Variants in PACRGL observed in about 807,000 individuals in gnomAD.
PACRGL encodes parkin coregulated like, also known as PACRG-like protein.
In PACRGL, 38 loss-of-function variants were observed where a neutral mutation model predicts 34.5. That is an observed-to-expected ratio of 1.10 (90% CI 0.85 to 1.44). PACRGL has a LOEUF of 1.44. Among genes scored for constraint, PACRGL ranks in the 40% most tolerant of loss-of-function variants. PACRGL has a pLI of 0.00. For missense variants in PACRGL, 305 were observed against 281.4 expected (o/e 1.08, Z -0.60); for synonymous variants, 128 against 100.1 (o/e 1.28, Z -1.66).
At chr4:20,719,010 C>T (rs1398456802) in intron 7 of PACRGL, 2 of 152,134 alleles carry the variant, frequency 1.3e-5, no homozygotes, top group African/African-American at 2.4e-5. Flanking sequence ...ATTTCCGAGC[C>T]TGTTATTGGT....
rs1372317670 is a variant in PACRGL, at chr4:20,704,749, C to T, written c.142C>T (p.Pro48Ser). The T allele has an allele frequency of 2.5e-6, 4 of 1,614,066 alleles. No homozygotes were observed. The highest frequency in any genetic ancestry group is 2.5e-6 in the Non-Finnish European group (3 of 1,179,940). Residue 48 changes from proline to serine, a missense_variant, in exon 3 of 9, where the codon CCA becomes TCA. Physicochemically the swap from Pro to Ser is moderately conservative, Grantham distance 74 (BLOSUM62 -1). Transcript: ENST00000503585. ...CAAATCCTCATTGTCAACCAGTTCT[C>T]CAGAGTCTGCAAGAAAACTTCATCC... ...GSKSSLSTSS[P>S]ESARKLHPRP... is the part of the protein sequence containing the mutation.
At chr4:20,742,963 A>T (rs1045195712) in intron 8 of PACRGL, among the ~76,000 whole-genome samples, 2 of 152,126 alleles carry the variant, frequency 1.3e-5, no homozygotes, top group African/African-American at 4.8e-5. Flanking sequence ...TCCCATTCAC[A>T]ATTGCTTCAA....
chr4:20,724,908 T>A lies in PACRGL; in HGVS notation c.690+20T>A. On this transcript the variant is annotated intron_variant, in intron 8 of 8. Transcript: ENST00000503585. Reference sequence around the variant, plus strand: ...GGAAGTGTAAGTAGAATATTATTCCTTAAGTCTTTTTTTTTAACTTTTAGG... The same window carrying A: ...GGAAGTGTAAGTAGAATATTATTCCATAAGTCTTTTTTTTTAACTTTTAGG... The A allele has an allele frequency of 7.5e-7, 1 of 1,341,646 alleles. No homozygotes were observed. Among genetic ancestry groups the A allele is most frequent in the Non-Finnish European group, 9.6e-7 (1 of 1,041,760 alleles). 83.1% of individuals were successfully genotyped at this position (1,341,646 alleles called of 1,614,324 possible). A position where few individuals can be genotyped will look rare whatever the true frequency, so the allele number is the denominator to read the frequency against.
At chr4:20,697,661 C>T (rs79567507), upstream of PACRGL, among the ~76,000 whole-genome samples, 140 of 152,168 alleles carry the variant, frequency 9.2e-4, no homozygotes, top group Non-Finnish European at 1.7e-3. Flanking sequence ...AGTGAAATAC[C>T]GTACATTGAG....
downstream of PACRGL, among the ~76,000 whole-genome samples, chr4:20,734,119 G>A (rs76015249): frequency 6.4e-3 from 973 of 152,290 alleles, 3 homozygotes; most frequent in Non-Finnish European, 0.01. Flanking sequence ...ACTTCTCGCT[G>A]TGTTTTAAAT....
intron 6 of PACRGL, 140 bp downstream of exon 6, chr4:20,713,062 C>T: frequency 1.2e-6 from 1 of 865,956 alleles, no homozygotes; most frequent in Non-Finnish European, 1.6e-6. Context: ...GACACATTTA[C>T]AGAATTAGGC....
chr4:20,742,128 T>C (rs777877122), intron 8 of PACRGL, among the ~76,000 whole-genome samples: 2 of 152,202 alleles, frequency 1.3e-5, no homozygotes, highest in East Asian at 1.9e-4. Flanking sequence ...CACAGCTGAA[T>C]TCTACCAGAG....
At chr4:20,710,662 T>C (rs1388144443) in intron 5 of PACRGL, among the ~76,000 whole-genome samples, 1 of 152,146 alleles carries the variant, frequency 6.6e-6, no homozygotes, top group Non-Finnish European at 1.5e-5. Context: ...GAGGACCAAG[T>C]GGGAGCAGAA....
intron 4 of PACRGL, among the ~76,000 whole-genome samples, chr4:20,709,425 G>C (rs1455963017): frequency 6.6e-6 from 1 of 152,178 alleles, no homozygotes; most frequent in African/African-American, 2.4e-5. Flanking sequence ...GCATATCTGT[G>C]TTAAGATTCA....
the PACRGL span, chr4:20,758,745 A>T: frequency 9.4e-7 from 1 of 1,064,304 alleles, no homozygotes; most frequent in Non-Finnish European, 1.4e-6. Flanking sequence ...GCATCATGCT[A>T]TGAAAAATTA....
intron 7 of PACRGL, among the ~76,000 whole-genome samples, chr4:20,719,789 A>G (rs565787394): frequency 3.0e-4 from 46 of 151,974 alleles, no homozygotes; most frequent in African/African-American, 8.5e-4. Flanking sequence ...TGTGGTGCTG[A>G]GAAGAATGTA....
chr4:20,711,263 G>T (rs948800853), intron 5 of PACRGL, among the ~76,000 whole-genome samples: 4 of 152,016 alleles, frequency 2.6e-5, no homozygotes, highest in African/African-American at 9.7e-5. Context: ...TCCTTAAAGG[G>T]ACTCTAACTT....
At chr4:20,750,895 T>C (rs1258502605) in intron 8 of PACRGL, among the ~76,000 whole-genome samples, 1 of 152,222 alleles carries the variant, frequency 6.6e-6, no homozygotes, top group African/African-American at 2.4e-5. Flanking sequence ...TATTGGGTTT[T>C]AACTTATCAT....
At chr4:20,748,869 C>T (rs925362129) in intron 8 of PACRGL, among the ~76,000 whole-genome samples, 4 of 117,764 alleles carry the variant, frequency 3.4e-5, no homozygotes, top group South Asian at 2.9e-4. Flanking sequence ...ATATGAATTA[C>T]GTGTGTGTGT....
At chr4:20,761,950 G>A in the PACRGL span, among the ~76,000 whole-genome samples, 1 of 152,056 alleles carries the variant, frequency 6.6e-6, no homozygotes, top group African/African-American at 2.4e-5. Context: ...AGTCTTCTAG[G>A]AACTGGGACT....
At chr4:20,764,892 G>T in the PACRGL span, among the ~76,000 whole-genome samples, 2 of 152,202 alleles carry the variant, frequency 1.3e-5, no homozygotes, top group East Asian at 3.9e-4. Flanking sequence ...CAATCACAGC[G>T]GTTTATTGAG....
downstream of PACRGL, among the ~76,000 whole-genome samples, chr4:20,735,128 A>T (rs573971882): frequency 1.3e-5 from 2 of 152,368 alleles, no homozygotes; most frequent in South Asian, 4.1e-4. Flanking sequence ...CCGTTTGCTA[A>T]TAAGAAATGT....
chr4:20,763,027 C>T, the PACRGL span, among the ~76,000 whole-genome samples: 80 of 152,224 alleles, frequency 5.3e-4, no homozygotes, highest in African/African-American at 1.8e-3. Flanking sequence ...AACTCACCCA[C>T]TTATCACGAG....
chr4:20,765,982 GTAA>G, the PACRGL span, among the ~76,000 whole-genome samples: 11 of 150,910 alleles, frequency 7.3e-5, no homozygotes, highest in African/African-American at 2.0e-4. Context: ...TATTACTATT[GTAA>G]TAATCAGCAT....
Sources: gnomAD v4.1 joint callset for allele counts (sites outside exome capture counted in the v4.1 genomes callset) on GRCh38, gnomAD v4.1.1 for gene constraint, MANE v1.5 for transcripts, NCBI Gene and HGNC (gene_info 2026-07-23, HGNC 2026-07-21) for gene names.